CHODL: variants seen among roughly 807,000 people sequenced by gnomAD.
CHODL encodes the protein transmembrane protein MT75.
A neutral mutation model predicts 34.5 loss-of-function variants in CHODL; 29 were observed. That is an observed-to-expected ratio of 0.84 (90% CI 0.63 to 1.15). The LOEUF is 1.15. CHODL is among the 50% of genes most tolerant of loss of function. CHODL has a pLI of 0.00. For synonymous variants in CHODL, 125 were observed against 116.1 expected, an observed-to-expected ratio of 1.08 and a Z score of -0.49; for missense variants, 332 against 332.5, an observed-to-expected ratio of 1.00 and a Z score of 0.01.
intron 2 of CHODL, chr21:18,099,934 G>T (rs1038681748): frequency 1.3e-5 from 2 of 152,040 alleles, no homozygotes; most frequent in Non-Finnish European, 2.9e-5. Context: ...TTTACTTACT[G>T]GCACAGGTAG....
rs970280524 is a variant in CHODL at position 18,264,109 on chromosome 21, G to A, written c.737+1216G>A. On this transcript the variant is annotated intron_variant, in intron 5 of 5. Coordinates refer to ENST00000299295, the MANE Select transcript of CHODL (RefSeq NM_024944.3). ...AAGTGAATTAAGTAATATTTTAAAA[G>A]GGTAATGGTCAGGTGTGTTTAGAAA... 5.3e-5 allele frequency among the ~76,000 whole-genome samples: 8 copies of A among 152,186 alleles called. 1 individual carries two copies. Among genetic ancestry groups the A allele is most frequent in the Non-Finnish European group, 4.4e-5 (3 of 68,006 alleles).
At chr21:18,043,912 T>G (rs573084431) in intron 2 of CHODL, among the ~76,000 whole-genome samples, 1 of 151,914 alleles carries the variant, frequency 6.6e-6, no homozygotes, top group Non-Finnish European at 1.5e-5. Context: ...AACCCCTTAT[T>G]AAACCATCAG....
At chr21:18,002,091 T>C (rs2063912424) in intron 1 of CHODL, among the ~76,000 whole-genome samples, 1 of 152,156 alleles carries the variant, frequency 6.6e-6, no homozygotes. Context: ...ATGGTATTGT[T>C]CAAATAAGGG....
At chr21:18,262,663 A>G (rs2074396480) in intron 4 of CHODL, 128 bp from the exon 5 acceptor site, 1 of 613,904 alleles carries the variant, frequency 1.6e-6, no homozygotes, top group South Asian at 2.0e-5. Context: ...CAATATTTTG[A>G]GAAGAACTTT....
chr21:17,934,244 A>AAC (rs1555838494), intron 1 of CHODL, among the ~76,000 whole-genome samples: 9 of 151,934 alleles, frequency 5.9e-5, no homozygotes, highest in African/African-American at 2.2e-4. Flanking sequence ...TAAAAAAAAA[A>AAC]AACACATTCT....
At chr21:17,989,759 G>A (rs185353762) in intron 1 of CHODL, among the ~76,000 whole-genome samples, 3 of 152,236 alleles carry the variant, frequency 2.0e-5, no homozygotes, top group Admixed American at 6.5e-5. Context: ...TACAATCCAC[G>A]TAAACACATT....
intron 2 of CHODL, among the ~76,000 whole-genome samples, chr21:18,174,121 GTGTATATATATATATATATA>G (rs1568923065): frequency 0.059 from 3,582 of 60,874 alleles, 549 homozygotes; most frequent in African/African-American, 0.14. Flanking sequence ...ATATATCTTG[GTGTATATATATATATATATA>G]TATATATATA....
At chr21:18,052,330 G>A (rs1362602585) in intron 2 of CHODL, among the ~76,000 whole-genome samples, 3 of 151,838 alleles carry the variant, frequency 2.0e-5, no homozygotes, top group Non-Finnish European at 4.4e-5. Context: ...TGATGAGGAA[G>A]CTATGACCTA....
intron 2 of CHODL, among the ~76,000 whole-genome samples, chr21:18,210,789 G>A: frequency 6.6e-6 from 1 of 152,126 alleles, no homozygotes; most frequent in East Asian, 1.9e-4. Context: ...TTTTGCTCTT[G>A]ACCCCTCACA....
intron 2 of CHODL, among the ~76,000 whole-genome samples, chr21:18,169,966 T>G (rs1041978178): frequency 6.6e-6 from 1 of 152,038 alleles, no homozygotes; most frequent in East Asian, 1.9e-4. Flanking sequence ...TTTTATGGTG[T>G]TGTTCGATTC....
intron 1 of CHODL, among the ~76,000 whole-genome samples, chr21:18,012,735 A>C (rs1364300635): frequency 6.6e-6 from 1 of 152,214 alleles, no homozygotes; most frequent in Non-Finnish European, 1.5e-5. Context: ...AGGGATTATG[A>C]AGAAGAAGGA....
At chr21:17,950,763 C>T (rs1309720020) in intron 1 of CHODL, among the ~76,000 whole-genome samples, 1 of 152,086 alleles carries the variant, frequency 6.6e-6, no homozygotes, top group African/African-American at 2.4e-5. Context: ...AGACATAAAA[C>T]TGGAAGAGCC....
chr21:18,083,848 G>A (rs1408091866), intron 2 of CHODL, among the ~76,000 whole-genome samples: 1 of 152,176 alleles, frequency 6.6e-6, no homozygotes, highest in Non-Finnish European at 1.5e-5. Flanking sequence ...TGGACAGAAG[G>A]GACTTGCCTT....
rs34588468 is a variant in CHODL at position 18,028,698 on chromosome 21, T to TAAAA, written c.-45+748_-45+751dup. On this transcript the variant is annotated intron_variant, in intron 2 of 6. Transcript: ENST00000400127. Reference sequence around the variant, plus strand: ...TGGGCAACAAGAGCAAAACTCCATCTAAAAAAAAAAAAAAAAAAAAAAAAG... The same window carrying TAAAA: ...TGGGCAACAAGAGCAAAACTCCATCTAAAAAAAAAAAAAAAAAAAAAAAAAAAAG... Among the ~76,000 whole-genome samples, 10 of 85,244 alleles carry TAAAA rather than the reference T, an allele frequency of 1.2e-4. No homozygotes were observed. The South Asian group carries it at 1.3e-3, about 11-fold the overall frequency. The allele number at this position is 85,244 out of a possible 152,430, so 55.9% of individuals were successfully genotyped here.
chr21:17,923,192 C>G (rs2063196014), intron 1 of CHODL, among the ~76,000 whole-genome samples: 1 of 151,992 alleles, frequency 6.6e-6, no homozygotes, highest in Non-Finnish European at 1.5e-5. Flanking sequence ...TTCCCTTTAG[C>G]TTAGTGATTT....
intron 2 of CHODL, among the ~76,000 whole-genome samples, chr21:18,052,228 A>G (rs1033921653): frequency 6.6e-6 from 1 of 151,864 alleles, no homozygotes; most frequent in Non-Finnish European, 1.5e-5. Context: ...ACAGCAGGGC[A>G]TACATCTGAA....
At chr21:18,115,234 T>C (rs746459594) in intron 2 of CHODL, among the ~76,000 whole-genome samples, 1 of 152,234 alleles carries the variant, frequency 6.6e-6, no homozygotes, top group African/African-American at 2.4e-5. Context: ...GCCGGAATCC[T>C]GGAACTCAGC....
chr21:18,248,573 G>A (rs567553467), intron 1 of CHODL, among the ~76,000 whole-genome samples: 2 of 135,952 alleles, frequency 1.5e-5, no homozygotes, highest in African/African-American at 2.8e-5. Context: ...CTTTATAAAA[G>A]GTAATGTATT....
rs78305281 is a variant in CHODL, at chr21:17,978,789, G to A, written c.-144-49083G>A. Reference sequence around the variant, plus strand: ...GATGTCAACCTCTGGACTCTTAATGGGGGGCTCTGGGAAGATTCCACTTCC... The same window carrying A: ...GATGTCAACCTCTGGACTCTTAATGAGGGGCTCTGGGAAGATTCCACTTCC... On this transcript the variant is annotated intron_variant, in intron 1 of 6. Transcript: ENST00000400127. 8.6e-3 allele frequency among the ~76,000 whole-genome samples: 1,313 copies of A among 151,854 alleles called. 11 individuals are homozygous for A. The highest frequency in any genetic ancestry group is 0.014 in the Non-Finnish European group (920 of 67,918).
Sources: gnomAD v4.1 joint callset for allele counts (sites outside exome capture counted in the v4.1 genomes callset) on GRCh38, gnomAD v4.1.1 for gene constraint, MANE v1.5 for transcripts, NCBI Gene and HGNC (gene_info 2026-07-23, HGNC 2026-07-21) for gene names.